SIPA1L3: variants seen among roughly 807,000 people sequenced by gnomAD.
The protein encoded by SIPA1L3 is signal-induced proliferation-associated 1-like protein 3.
Under a neutral mutation model 150.1 loss-of-function variants are expected in SIPA1L3, and 59 were observed. The ratio of observed to expected loss-of-function variants is 0.39; its 90% CI spans 0.32 to 0.49. The LOEUF (loss-of-function observed/expected upper bound fraction) is 0.49, where lower values mean the gene tolerates loss of function less well. Ranked by LOEUF, SIPA1L3 falls within the 20% of genes least tolerant of loss-of-function variation. The pLI is 0.86. For synonymous variants in SIPA1L3, 1,070 were observed against 1,077.6 expected (o/e 0.99, Z 0.14); for missense variants, 2,211 against 2,489.5 (o/e 0.89, Z 2.38).
chr19:38,147,507 T>C (rs1356555983), intron 12 of SIPA1L3, among the ~76,000 whole-genome samples: 1 of 152,196 alleles, frequency 6.6e-6, no homozygotes, highest in Non-Finnish European at 1.5e-5. Flanking sequence ...TTTTACTCTT[T>C]TACATTTAAG....
intron 1 of SIPA1L3, among the ~76,000 whole-genome samples, chr19:38,010,593 C>A (rs894970941): frequency 2.0e-5 from 3 of 152,110 alleles, no homozygotes; most frequent in African/African-American, 7.2e-5. Context: ...CACCTGTAAT[C>A]CCAGCAACTC....
intron 15 of SIPA1L3, among the ~76,000 whole-genome samples, chr19:38,171,416 G>C (rs1382824496): frequency 7.3e-6 from 1 of 137,396 alleles, no homozygotes; most frequent in African/African-American, 2.7e-5. Flanking sequence ...TTTTGAGATG[G>C]AGTTTCGCTC....
At chr19:38,057,677 C>T (rs796235176) in intron 2 of SIPA1L3, among the ~76,000 whole-genome samples, 21 of 151,418 alleles carry the variant, frequency 1.4e-4, no homozygotes, top group African/African-American at 2.7e-4. Flanking sequence ...GACAGAGTCT[C>T]GCTCTGTCGC....
intron 8 of SIPA1L3, among the ~76,000 whole-genome samples, chr19:38,112,653 T>G (rs953457401): frequency 2.0e-5 from 3 of 152,230 alleles, no homozygotes; most frequent in African/African-American, 7.2e-5. Flanking sequence ...TAACAGATGT[T>G]AACATTTTGC....
chr19:38,203,485 G>C (rs1343536409), intron 20 of SIPA1L3, among the ~76,000 whole-genome samples: 1 of 152,144 alleles, frequency 6.6e-6, no homozygotes, highest in Non-Finnish European at 1.5e-5. Context: ...CGGCCAGGCA[G>C]GCCCAGGGCT....
intron 6 of SIPA1L3, among the ~76,000 whole-genome samples, chr19:38,103,271 A>G (rs189511576): frequency 6.6e-6 from 1 of 152,138 alleles, no homozygotes; most frequent in Non-Finnish European, 1.5e-5. Context: ...AGGTGGTATC[A>G]CATAGGACGT....
chr19:38,108,947 C>G (rs1193614987), intron 7 of SIPA1L3, among the ~76,000 whole-genome samples: 1 of 152,100 alleles, frequency 6.6e-6, no homozygotes, highest in African/African-American at 2.4e-5. Context: ...CGAGATCGCA[C>G]CATTGCACTC....
At chr19:37,940,497 A>T (rs1337863037) in intron 1 of SIPA1L3, among the ~76,000 whole-genome samples, 1 of 152,124 alleles carries the variant, frequency 6.6e-6, no homozygotes, top group African/African-American at 2.4e-5. Flanking sequence ...TGCTTACATC[A>T]TCTGGTATCC....
At chr19:38,057,707 C>G (rs28517878) in intron 2 of SIPA1L3, among the ~76,000 whole-genome samples, 1 of 151,510 alleles carries the variant, frequency 6.6e-6, no homozygotes, top group Non-Finnish European at 1.5e-5. Context: ...AGTGCAGTGG[C>G]GCAATCTTGG....
chr19:38,110,529 A>G, intron 8 of SIPA1L3, 145 bp downstream of exon 8: 1 of 583,262 alleles, frequency 1.7e-6, no homozygotes, highest in Non-Finnish European at 2.9e-6. Flanking sequence ...ACCATCTCAG[A>G]GAGTGGTTTT....
chr19:38,134,454 A>AT (rs1165614047), intron 10 of SIPA1L3, among the ~76,000 whole-genome samples: 9 of 145,498 alleles, frequency 6.2e-5, no homozygotes, highest in Non-Finnish European at 1.3e-4. Flanking sequence ...CATGCCTGTA[A>AT]TCCCAGCACT....
At chr19:38,146,096 T>C (rs1971698900) in intron 12 of SIPA1L3, among the ~76,000 whole-genome samples, 1 of 152,212 alleles carries the variant, frequency 6.6e-6, no homozygotes, top group Non-Finnish European at 1.5e-5. Flanking sequence ...AGCCCTTGCC[T>C]CAAGCCATCC....
chr19:37,910,120 T>C (rs79758991), intron 1 of SIPA1L3, among the ~76,000 whole-genome samples: 1,656 of 152,354 alleles, frequency 0.011, 19 homozygotes, highest in Middle Eastern at 0.061. Flanking sequence ...CAGTGATTGG[T>C]GCCTCATTTT....
At chr19:37,953,707 G>T (rs2046784576) in intron 1 of SIPA1L3, among the ~76,000 whole-genome samples, 1 of 152,178 alleles carries the variant, frequency 6.6e-6, no homozygotes, top group African/African-American at 2.4e-5. Flanking sequence ...TGAAAGCTGG[G>T]AAAGAAGGGG....
At position 38,152,900 on chromosome 19, in the gene SIPA1L3, G is replaced by T. The variant is rs770809959; in HGVS notation, c.3594G>T (p.Thr1198=). Residue 1198 remains threonine (T), a synonymous_variant, in exon 13 of 22, where the codon ACG becomes ACT. Coordinates refer to ENST00000222345, the MANE Select transcript of SIPA1L3 (RefSeq NM_015073.3). ...SLDPHFSHDG[T]SSGDSSSGGL... ...ATCCCCACTTCAGCCACGATGGGAC[G>T]TCCAGCGGCGACTCCTCTTCCGGCG... The T allele has an allele frequency of 6.2e-7, 1 of 1,613,606 alleles. No individual in the cohort carries two copies. The highest frequency in any genetic ancestry group is 8.5e-7 in the Non-Finnish European group (1 of 1,179,854).
chr19:38,038,522 C>T (rs1968840940), intron 2 of SIPA1L3, among the ~76,000 whole-genome samples: 1 of 143,988 alleles, frequency 6.9e-6, no homozygotes, highest in Non-Finnish European at 1.5e-5. Context: ...ACTCAGGAGG[C>T]AGAGGTTGCA....
In SIPA1L3 at chr19:38,141,352, C is replaced by G. The variant is rs200785797; in HGVS notation, c.3312C>G (p.Pro1104=). 4.9e-5 allele frequency: 79 copies of G among 1,614,004 alleles called. No individual in the cohort carries two copies. In the Middle Eastern group the frequency reaches 1.6e-3, roughly 34 times the overall value. Residue 1104 remains proline, a synonymous_variant, in exon 11 of 22, where the codon CCC becomes CCG. Transcript: ENST00000222345. ...CCAAGTGGGCCACTCCAACCACTCC[C>G]GGCCATGCCCAGTCCCTGAGCCGGC... The part of the protein sequence containing the change: ...PASKWATPTT[P]GHAQSLSRPL...
At chr19:38,028,410 T>A (rs922745247) in intron 1 of SIPA1L3, among the ~76,000 whole-genome samples, 12 of 152,064 alleles carry the variant, frequency 7.9e-5, no homozygotes, top group Admixed American at 7.2e-4. Context: ...TCTGGAAGGC[T>A]CTTTCCCAGG....
chr19:38,061,296 T>G (rs1356354408), intron 2 of SIPA1L3, among the ~76,000 whole-genome samples: 1 of 151,790 alleles, frequency 6.6e-6, no homozygotes, highest in Non-Finnish European at 1.5e-5. Context: ...ATTCCTGGCC[T>G]CAAGTCATCC....
Sources: allele counts gnomAD v4.1 joint callset (sites outside exome capture counted in the v4.1 genomes callset), GRCh38; gene constraint gnomAD v4.1.1; transcripts MANE v1.5; gene names NCBI Gene and HGNC (gene_info 2026-07-23, HGNC 2026-07-21).